Variants in OXR1 observed in about 807,000 individuals in gnomAD.
OXR1 encodes the protein oxidation resistance 1, also known as oxidation resistance protein 1.
OXR1 carries 41 observed loss-of-function variants against 104.6 expected under a neutral mutation model. The ratio of observed to expected loss-of-function variants is 0.39; its 90% CI spans 0.31 to 0.51. The LOEUF (loss-of-function observed/expected upper bound fraction) is 0.51, where lower values mean the gene tolerates loss of function less well. Among genes scored for constraint, OXR1 ranks in the 20% least tolerant of loss-of-function variants. OXR1 has a pLI of 0.77. For synonymous variants in OXR1, 348 were observed against 348.4 expected (o/e 1.00, Z 0.01); for missense variants, 955 against 1,031.9 (o/e 0.93, Z 1.02).
intron 1 of OXR1, among the ~76,000 whole-genome samples, chr8:106,345,945 A>T (rs1726427664): frequency 1.3e-5 from 2 of 152,260 alleles, no homozygotes; most frequent in South Asian, 4.1e-4. Context: ...GAAGGAGATG[A>T]AAAAATTTGA....
intron 3 of OXR1, among the ~76,000 whole-genome samples, chr8:106,551,635 TAAG>T (rs1280237203): frequency 4.0e-5 from 6 of 151,728 alleles, no homozygotes; most frequent in East Asian, 1.9e-4. Context: ...ACTAAATTTT[TAAG>T]AAGATTTGAC....
At chr8:106,489,189 G>T (rs962420038) in intron 2 of OXR1, among the ~76,000 whole-genome samples, 3 of 150,830 alleles carry the variant, frequency 2.0e-5, no homozygotes, top group African/African-American at 7.3e-5. Flanking sequence ...TGAAGCAATT[G>T]TGAATGGGAG....
chr8:106,410,570 C>T (rs1408664829), intron 2 of OXR1, among the ~76,000 whole-genome samples: 1 of 152,052 alleles, frequency 6.6e-6, no homozygotes, highest in African/African-American at 2.4e-5. Flanking sequence ...CAAGGTAATT[C>T]CTGAAAATGG....
chr8:106,527,141 C>G (rs565437590), intron 3 of OXR1, among the ~76,000 whole-genome samples: 1 of 152,208 alleles, frequency 6.6e-6, no homozygotes, highest in Admixed American at 6.5e-5. Flanking sequence ...GGAAATAAAA[C>G]TGTTGCTTAC....
chr8:106,692,835 G>A lies in OXR1; in HGVS notation c.633G>A (p.Glu211=), dbSNP rs1829449331. The change falls in exon 7 of 17, where the codon GAG becomes GAA. Residue 211 remains glutamate (E), a synonymous_variant. Coordinates refer to ENST00000517566, the MANE Select transcript of OXR1 (RefSeq NM_001198533.2). ...CTGAGGAGGAGGAAGCATTTACTGA[G>A]AAATTTCTTAAAATTAATTGCAAAT... is the stretch of plus-strand genomic sequence containing the variant. The part of the protein sequence containing the change: ...STSEEEEAFT[E]KFLKINCKYI... 2 of 1,606,234 alleles carry A rather than the reference G, an allele frequency of 1.2e-6. No homozygotes were observed. The highest frequency in any genetic ancestry group is 1.7e-6 in the Non-Finnish European group (2 of 1,174,834).
chr8:106,290,694 T>A (rs1012174173), intron 1 of OXR1, among the ~76,000 whole-genome samples: 2 of 151,936 alleles, frequency 1.3e-5, no homozygotes, highest in Non-Finnish European at 2.9e-5. Context: ...TATGAAAAAA[T>A]ACTCATCATC....
chr8:106,308,208 A>C (rs1404007462), intron 1 of OXR1, among the ~76,000 whole-genome samples: 2 of 152,118 alleles, frequency 1.3e-5, no homozygotes, highest in African/African-American at 2.4e-5. Flanking sequence ...CTGAGTTTAA[A>C]GGCCTGAGAA....
At chr8:106,375,317 T>C (rs981144485) in intron 2 of OXR1, among the ~76,000 whole-genome samples, 1 of 152,212 alleles carries the variant, frequency 6.6e-6, no homozygotes, top group Non-Finnish European at 1.5e-5. Context: ...GTGGTTTTTG[T>C]CGTACTTTTA....
At position 106,692,711 on chromosome 8, in the gene OXR1, TTAA is replaced by T; in HGVS notation, c.526-16_526-14del. On this transcript the variant is annotated splice_polypyrimidine_tract_variant and intron_variant, in intron 6 of 16. Coordinates refer to ENST00000517566, the MANE Select transcript of OXR1 (RefSeq NM_001198533.2). ...TTTTCTGCTTTTTTTTTTCTTTCCTTTAAAAAAAAAAAAAAGAATCCTGATGTC... is the reference window on the plus strand; with the variant it reads ...TTTTCTGCTTTTTTTTTTCTTTCCTTAAAAAAAAAAAAGAATCCTGATGTC... 7.1e-7 allele frequency: 1 copy of T among 1,408,918 alleles called. No individual in the cohort carries two copies. Among genetic ancestry groups the T allele is most frequent in the Non-Finnish European group, 9.4e-7 (1 of 1,062,004 alleles). The allele number at this position is 1,408,918 out of a possible 1,614,324, so 87.3% of individuals were successfully genotyped here.
chr8:106,510,309 A>C (rs1018771544), intron 2 of OXR1, among the ~76,000 whole-genome samples: 2 of 152,202 alleles, frequency 1.3e-5, no homozygotes, highest in Non-Finnish European at 2.9e-5. Flanking sequence ...AATCCTAGGA[A>C]TGAAATGATG....
At chr8:106,378,573 G>A (rs1350076214) in intron 2 of OXR1, among the ~76,000 whole-genome samples, 3 of 152,144 alleles carry the variant, frequency 2.0e-5, no homozygotes, top group East Asian at 1.9e-4. Context: ...GCGATGGCAC[G>A]ATCTCGGCTC....
chr8:106,606,916 G>T (rs1238262178), intron 3 of OXR1, among the ~76,000 whole-genome samples: 1 of 152,178 alleles, frequency 6.6e-6, no homozygotes, highest in Non-Finnish European at 1.5e-5. Flanking sequence ...AAGGAAGAAA[G>T]AGCCCTTCTC....
intron 3 of OXR1, among the ~76,000 whole-genome samples, chr8:106,523,365 A>C (rs1813399625): frequency 6.6e-6 from 1 of 152,004 alleles, no homozygotes; most frequent in African/African-American, 2.4e-5. Flanking sequence ...TGTACACCAG[A>C]GGGGTGGGAG....
chr8:106,495,903 A>G (rs1213528441), intron 2 of OXR1, among the ~76,000 whole-genome samples: 2 of 152,220 alleles, frequency 1.3e-5, no homozygotes, highest in African/African-American at 4.8e-5. Flanking sequence ...TATAGTGATG[A>G]GCACAGATTT....
intron 2 of OXR1, among the ~76,000 whole-genome samples, chr8:106,438,298 C>A (rs192912569): frequency 6.6e-6 from 1 of 151,996 alleles, no homozygotes; most frequent in Non-Finnish European, 1.5e-5. Flanking sequence ...GTTATATCTA[C>A]CTATGTTAAA....
intron 3 of OXR1, among the ~76,000 whole-genome samples, chr8:106,519,747 G>C (rs1198930866): frequency 2.0e-5 from 3 of 152,122 alleles, no homozygotes; most frequent in Non-Finnish European, 4.4e-5. Context: ...ATATGGCTTG[G>C]GTTGTGCAGG....
chr8:106,309,124 T>C (rs1813591847), intron 1 of OXR1, among the ~76,000 whole-genome samples: 1 of 151,998 alleles, frequency 6.6e-6, no homozygotes, highest in African/African-American at 2.4e-5. Context: ...GAACAAGGTG[T>C]GTACCATTAT....
rs549842841 is a variant in OXR1 at position 106,702,616 on chromosome 8, C to A, written c.676-290C>A. Among the ~76,000 whole-genome samples, 30 of 152,318 alleles carry A rather than the reference C, an allele frequency of 2.0e-4. No individual in the cohort carries two copies. In the South Asian group the frequency reaches 4.8e-3, roughly 24 times the overall value. The stretch of plus-strand genomic sequence containing the variant: ...ATAAAAGGTGGCGCTTCTTACCTTA[C>A]TGAAGTTACCTTTCTGATATGAGGT... On this transcript the variant is annotated intron_variant, in intron 7 of 16. Coordinates refer to ENST00000517566, the MANE Select transcript of OXR1 (RefSeq NM_001198533.2).
At chr8:106,564,348 A>G (rs1816917098) in intron 3 of OXR1, among the ~76,000 whole-genome samples, 1 of 152,180 alleles carries the variant, frequency 6.6e-6, no homozygotes, top group African/African-American at 2.4e-5. Context: ...AGAGAATACT[A>G]TAAACACCTC....
Sources: gnomAD v4.1 joint callset for allele counts (sites outside exome capture counted in the v4.1 genomes callset) on GRCh38, gnomAD v4.1.1 for gene constraint, MANE v1.5 for transcripts, NCBI Gene and HGNC (gene_info 2026-07-23, HGNC 2026-07-21) for gene names.